Variants in NCOA3 observed in about 807,000 individuals in gnomAD.
The protein encoded by NCOA3 is nuclear receptor coactivator 3.
NCOA3 carries 51 observed loss-of-function variants against 158.8 expected under a neutral mutation model. The ratio of observed to expected loss-of-function variants is 0.32; its 90% CI spans 0.26 to 0.41. The LOEUF (loss-of-function observed/expected upper bound fraction) is 0.41. Among genes scored for constraint, NCOA3 ranks in the 10% least tolerant of loss-of-function variants. NCOA3 has a pLI of 1.00. For missense variants in NCOA3, 1,510 were observed against 1,746.6 expected, an observed-to-expected ratio of 0.86 and a Z score of 2.41; for synonymous variants, 537 against 592.4, an observed-to-expected ratio of 0.91 and a Z score of 1.36.
intron 1 of NCOA3, among the ~76,000 whole-genome samples, chr20:47,562,030 A>G (rs1027978958): frequency 6.6e-6 from 1 of 151,926 alleles, no homozygotes; most frequent in Non-Finnish European, 1.5e-5. Context: ...TAGCCTTTTC[A>G]GACTAGCTTC....
At chr20:47,615,182 A>T (rs1424084019) in intron 2 of NCOA3, among the ~76,000 whole-genome samples, 2 of 152,210 alleles carry the variant, frequency 1.3e-5, no homozygotes, top group Non-Finnish European at 2.9e-5. Flanking sequence ...ATGGTAAATA[A>T]ATTACAGTAT....
chr20:47,558,370 C>A (rs1351357355), intron 1 of NCOA3, among the ~76,000 whole-genome samples: 2 of 151,304 alleles, frequency 1.3e-5, no homozygotes, highest in Non-Finnish European at 2.9e-5. Flanking sequence ...ACGTGAGCCA[C>A]CGCGCCGGCC....
chr20:47,642,625 G>A (rs2086629276), intron 17 of NCOA3, among the ~76,000 whole-genome samples: 1 of 152,074 alleles, frequency 6.6e-6, no homozygotes, highest in African/African-American at 2.4e-5. Context: ...ACTATTTTTG[G>A]CAATTGTAGA....
At chr20:47,585,471 G>A (rs909970340) in intron 2 of NCOA3, among the ~76,000 whole-genome samples, 1 of 152,106 alleles carries the variant, frequency 6.6e-6, no homozygotes, top group African/African-American at 2.4e-5. Context: ...CATTCTCTTG[G>A]TTAGCTAGGT....
chr20:47,636,460 G>A lies in NCOA3; in HGVS notation c.2074G>A (p.Gly692Arg). 6.2e-7 allele frequency: 1 copy of A among 1,614,142 alleles called. No homozygotes were observed. Among genetic ancestry groups the A allele is most frequent in the Non-Finnish European group, 8.5e-7 (1 of 1,180,012 alleles). Residue 692 changes from glycine (G) to arginine (R), a missense_variant, in exon 12 of 23, where the codon GGG becomes AGG. By Grantham distance (125) the Gly-to-Arg change is moderately radical. Coordinates refer to ENST00000371998, the MANE Select transcript of NCOA3 (RefSeq NM_181659.3). The stretch of plus-strand genomic sequence containing the variant: ...GATTTTGCACAAGTTGCTGCAGAAT[G>A]GGAATTCACCAGCTGAGGTAGCCAA... ...HRILHKLLQN[G>R]NSPAEVAKIT...
intron 17 of NCOA3, among the ~76,000 whole-genome samples, chr20:47,642,773 GT>G (rs1411147186): frequency 5.3e-5 from 8 of 151,300 alleles, no homozygotes; most frequent in African/African-American, 1.9e-4. Context: ...TTTTTTGCTT[GT>G]TTGTTTAAAC....
At chr20:47,502,673 A>G (rs1222860485) in intron 1 of NCOA3, among the ~76,000 whole-genome samples, 1 of 150,698 alleles carries the variant, frequency 6.6e-6, no homozygotes, top group Non-Finnish European at 1.5e-5. Context: ...TGGTTGATAA[A>G]ATTAGGAGTT....
intron 4 of NCOA3, among the ~76,000 whole-genome samples, chr20:47,624,818 G>C (rs1182722439): frequency 6.6e-6 from 1 of 152,096 alleles, no homozygotes; most frequent in Admixed American, 6.5e-5. Context: ...TGTCTCTCGG[G>C]CTGGAGTGCA....
intron 19 of NCOA3, among the ~76,000 whole-genome samples, chr20:47,649,446 A>G (rs2086745493): frequency 6.6e-6 from 1 of 152,208 alleles, no homozygotes; most frequent in South Asian, 2.1e-4. Flanking sequence ...TTCCTGGATT[A>G]TGAAACAACA....
intron 1 of NCOA3, among the ~76,000 whole-genome samples, chr20:47,507,719 A>G (rs904939945): frequency 9.2e-5 from 14 of 152,138 alleles, no homozygotes; most frequent in Non-Finnish European, 1.8e-4. Flanking sequence ...CCCAGGTTCA[A>G]GTGATTCTCC....
intron 1 of NCOA3, among the ~76,000 whole-genome samples, chr20:47,550,932 C>T (rs2084919316): frequency 6.6e-6 from 1 of 152,022 alleles, no homozygotes; most frequent in African/African-American, 2.4e-5. Context: ...ATCATAGTAA[C>T]TCAGAATAAG....
chr20:47,558,045 G>T, intron 1 of NCOA3, among the ~76,000 whole-genome samples: 1 of 148,800 alleles, frequency 6.7e-6, no homozygotes. Context: ...TGTTCTCTTT[G>T]TCTAAATTTC....
At chr20:47,545,019 G>A (rs891608059) in intron 1 of NCOA3, among the ~76,000 whole-genome samples, 2 of 152,012 alleles carry the variant, frequency 1.3e-5, no homozygotes, top group Admixed American at 1.3e-4. Flanking sequence ...AGCTGGCTTG[G>A]TGATGATAAA....
chr20:47,605,977 C>T (rs927461264), intron 2 of NCOA3, among the ~76,000 whole-genome samples: 10 of 152,086 alleles, frequency 6.6e-5, no homozygotes, highest in Non-Finnish European at 1.0e-4. Context: ...TACTTATCTG[C>T]TTACTTGCTT....
intron 1 of NCOA3, among the ~76,000 whole-genome samples, chr20:47,540,210 T>C (rs1220472599): frequency 1.3e-5 from 2 of 152,174 alleles, no homozygotes; most frequent in Non-Finnish European, 2.9e-5. Flanking sequence ...CAACTTTGGC[T>C]TGGAGATACT....
At position 47,651,053 on chromosome 20, in the gene NCOA3, G is replaced by A; in HGVS notation, c.3723G>A (p.Gln1241=). ...RELLSHHFRQ[Q]RVAMMMQQQQ... Reference sequence around the variant, plus strand: ...TGCTAAGTCATCACTTCCGACAACAGAGGGTGGCTATGATGATGCAGCAGC... The same window carrying A: ...TGCTAAGTCATCACTTCCGACAACAAAGGGTGGCTATGATGATGCAGCAGC... Residue 1241 remains glutamine (Q), a synonymous_variant, in exon 20 of 23, where the codon CAG becomes CAA. Transcript: ENST00000371998. The A allele has an allele frequency of 1.2e-6, 2 of 1,614,008 alleles. No homozygotes were observed. Among genetic ancestry groups the A allele is most frequent in the Non-Finnish European group, 1.7e-6 (2 of 1,180,014 alleles).
chr20:47,637,827 CTT>C lies in NCOA3; in HGVS notation c.2512+47_2512+48del. On this transcript the variant is annotated intron_variant, in intron 13 of 22. Coordinates refer to ENST00000371998, the MANE Select transcript of NCOA3 (RefSeq NM_181659.3). ...TTTTTTTTTTTTGCTGCCTTTGAAA[CTT>C]TTCTGCATACCTGTAAACACTCTTA... 2.0e-6 allele frequency: 3 copies of C among 1,534,292 alleles called. 1 individual carries two copies. Among genetic ancestry groups the C allele is most frequent in the Non-Finnish European group, 2.6e-6 (3 of 1,138,138 alleles).
intron 1 of NCOA3, among the ~76,000 whole-genome samples, chr20:47,551,606 A>G (rs2084928303): frequency 6.6e-6 from 1 of 152,188 alleles, no homozygotes; most frequent in African/African-American, 2.4e-5. Flanking sequence ...GCAGGCTGGA[A>G]GATAAATTTT....
At position 47,647,205 on chromosome 20, in the gene NCOA3, C is replaced by A; in HGVS notation, c.3385C>A (p.Gln1129Lys). 6.2e-7 allele frequency: 1 copy of A among 1,614,194 alleles called. No homozygotes were observed. Among genetic ancestry groups the A allele is most frequent in the South Asian group, 1.1e-5 (1 of 91,078 alleles). ...GPPMQGGFHLQGQSPSFNSMM... is the reference protein window; with the variant it reads ...GPPMQGGFHLKGQSPSFNSMM... ...TCCAATGCAAGGAGGCTTTCATCTT[C>A]AGGGACAATCACCATCTTTTAACTC... Residue 1129 changes from glutamine to lysine, a missense_variant, in exon 18 of 23, where the codon CAG (glutamine) becomes AAG (lysine). Coordinates refer to ENST00000371998, the MANE Select transcript of NCOA3 (RefSeq NM_181659.3).
Sources: gnomAD v4.1 joint callset for allele counts (sites outside exome capture counted in the v4.1 genomes callset) on GRCh38, gnomAD v4.1.1 for gene constraint, MANE v1.5 for transcripts, NCBI Gene and HGNC (gene_info 2026-07-23, HGNC 2026-07-21) for gene names.